The following AP1G1 variants were observed in gnomAD, a reference collection of about 807,000 sequenced individuals.
AP1G1 encodes the protein AP-1 complex subunit gamma-1.
Under a neutral mutation model 108.3 loss-of-function variants are expected in AP1G1, and 7 were observed. That is an observed-to-expected ratio of 0.06 (90% CI 0.04 to 0.12). The LOEUF is 0.12. Ranked by LOEUF, AP1G1 falls within the 10% of genes least tolerant of loss-of-function variation. The pLI is 1.00. For missense variants in AP1G1, 756 were observed against 1,010.7 expected (o/e 0.75, Z 3.42); for synonymous variants, 379 against 353.5 (o/e 1.07, Z -0.81).
chr16:71,766,439 T>A (rs2031317398), intron 6 of AP1G1: 1 of 469,946 alleles, frequency 2.1e-6, no homozygotes, highest in Non-Finnish European at 4.4e-6. Flanking sequence ...TTGGCACTCA[T>A]TTCATTTCTG....
At chr16:71,800,700 C>T (rs1252207791) in intron 1 of AP1G1, among the ~76,000 whole-genome samples, 8 of 151,934 alleles carry the variant, frequency 5.3e-5, no homozygotes, top group Admixed American at 1.3e-4. Context: ...ACTCGGGAGG[C>T]TGACGCAGGA....
At position 71,791,876 on chromosome 16, in the gene AP1G1, C is replaced by T. The variant is rs138970580; in HGVS notation, c.-3-2394G>A. On this transcript the variant is annotated intron_variant, in intron 1 of 22. Transcript: ENST00000299980. ...TCCTGGGTTCAAGCACTTCTCCTGC[C>T]TCAGCCTCCCAAGTAGGTGGTATTA... 6.1e-3 allele frequency among the ~76,000 whole-genome samples: 927 copies of T among 151,654 alleles called. 13 individuals are homozygous for T. The highest frequency in any genetic ancestry group is 0.02 in the African/African-American group (820 of 41,292).
chr16:71,750,437 CAG>C lies in AP1G1; in HGVS notation c.1285-107_1285-106del, dbSNP rs1180612831. On this transcript the variant is annotated intron_variant, in intron 13 of 22. Coordinates refer to ENST00000299980, the MANE Select transcript of AP1G1 (RefSeq NM_001128.6). ...TGTTTTTTCCTTTCTTTTTTTGAGA[CAG>C]AGTCTCGCTCTGTCACCCAGGCTGG... 1.2e-5 allele frequency: 17 copies of C among 1,404,730 alleles called. No homozygotes were observed. In the Middle Eastern group the frequency reaches 7.6e-4, roughly 63 times the overall value. 87.0% of individuals were successfully genotyped at this position (1,404,730 alleles called of 1,614,324 possible).
Position 71,745,215 on chromosome 16 carries a change from G to C in AP1G1, c.1928C>G (p.Thr643Ser). 1 of 1,614,204 alleles carries C rather than the reference G, an allele frequency of 6.2e-7. No homozygotes were observed. Among genetic ancestry groups the C allele is most frequent in the Non-Finnish European group, 8.5e-7 (1 of 1,180,034 alleles). ...GGNDITPVIP[T>S]APTSKPSSAG... ...AGAAGATGGTTTGCTTGTAGGCGCA[G>C]TTGGAATAACAGGTGTTATGTCATT... The change falls in exon 19 of 23, where the codon ACT (threonine) becomes AGT (serine). Residue 643 changes from threonine (T) to serine (S), a missense_variant. This residue lies in a region of AP1G1 where 357 missense variants were observed against 366.5 expected (regional missense o/e 0.97). Coordinates refer to ENST00000299980, the MANE Select transcript of AP1G1 (RefSeq NM_001128.6).
At position 71,770,944 on chromosome 16, in the gene AP1G1, A is replaced by G. The variant is rs577072448; in HGVS notation, c.565+212T>C. ...AGTAAAAGAGGACCAGAGATGAAAG[A>G]TAAGTTTACTATGAAGGAATCAATC... On this transcript the variant is annotated intron_variant, in intron 5 of 22. Transcript: ENST00000299980. 3.3e-5 allele frequency among the ~76,000 whole-genome samples: 5 copies of G among 152,342 alleles called. No individual in the cohort carries two copies. In the South Asian group the frequency reaches 6.2e-4, roughly 19 times the overall value.
At chr16:71,786,514 AC>A (rs1326294368) in intron 2 of AP1G1, among the ~76,000 whole-genome samples, 25 of 152,200 alleles carry the variant, frequency 1.6e-4, no homozygotes, top group African/African-American at 5.8e-4. Context: ...AGGCTGGAGT[AC>A]AGTGGCACGA....
chr16:71,789,355 T>C lies in AP1G1; in HGVS notation c.125A>G (p.Asp42Gly), dbSNP rs1188332338. The change falls in exon 2 of 23, where the codon GAC becomes GGC. Residue 42 changes from aspartate (D) to glycine (G), a missense_variant. Coordinates refer to ENST00000299980, the MANE Select transcript of AP1G1 (RefSeq NM_001128.6). ...CACATTCCGACATCGGTATGTATTG[T>C]CTTCTTCTCTAAAAGATGACCGGAT... The part of the protein sequence containing the change: ...AAIRSSFREE[D>G]NTYRCRNVAK... 2.5e-6 allele frequency: 4 copies of C among 1,614,234 alleles called. No individual in the cohort carries two copies. The highest frequency in any genetic ancestry group is 3.4e-6 in the Non-Finnish European group (4 of 1,180,048).
rs55761928 is a variant in AP1G1, at chr16:71,794,835, CTTTTTTTTT to C, written c.-3-5362_-3-5354del. ...TACCATTCTCAGGCCATGAGAAGTG[CTTTTTTTTT>C]TTTTTTTTTTTTTTTTTTTTACTTT... On this transcript the variant is annotated intron_variant, in intron 1 of 22. Coordinates refer to ENST00000299980, the MANE Select transcript of AP1G1 (RefSeq NM_001128.6). 1.0e-3 allele frequency among the ~76,000 whole-genome samples: 41 copies of C among 39,660 alleles called. 1 individual carries two copies. Among genetic ancestry groups the C allele is most frequent in the South Asian group, 4.2e-3 (3 of 716 alleles). The allele number at this position is 39,660 out of a possible 152,430, so 26.0% of individuals were successfully genotyped here. A position where few individuals can be genotyped will look rare whatever the true frequency, so the allele number is the denominator to read the frequency against.
chr16:71,765,627 G>C, intron 6 of AP1G1, 43 bp from the exon 7 acceptor site: 36 of 1,470,446 alleles, frequency 2.4e-5, no homozygotes, highest in Non-Finnish European at 3.1e-5. Context: ...GAATATTGAA[G>C]AATGTCTCAT....
chr16:71,778,592 A>C (rs1256652315), intron 2 of AP1G1, among the ~76,000 whole-genome samples: 1 of 151,736 alleles, frequency 6.6e-6, no homozygotes, highest in Non-Finnish European at 1.5e-5. Context: ...CTGAGGAAGG[A>C]GAATCACTTG....
At chr16:71,768,006 G>A in intron 6 of AP1G1, 3 of 1,148,474 alleles carry the variant, frequency 2.6e-6, no homozygotes, top group Admixed American at 2.2e-5. Context: ...ACATCTAAGG[G>A]AAAAAAAGCC....
At chr16:71,774,664 A>G in intron 2 of AP1G1, 72 bp from the exon 3 acceptor site, 1 of 1,477,272 alleles carries the variant, frequency 6.8e-7, no homozygotes, top group South Asian at 1.4e-5. Flanking sequence ...AGTGTTTTTA[A>G]CCCAGAGTCC....
chr16:71,804,512 A>G (rs539367960), intron 1 of AP1G1, among the ~76,000 whole-genome samples: 3 of 151,200 alleles, frequency 2.0e-5, no homozygotes, highest in Admixed American at 6.6e-5. Flanking sequence ...TGTTCAAGCA[A>G]TCCTCCCACC....
rs775851465 is a variant in AP1G1, at chr16:71,765,573, T to C, written c.654A>G (p.Gln218=). The change falls in exon 7 of 23, where the codon CAA becomes CAG. Residue 218 remains glutamine, a synonymous_variant. Transcript: ENST00000299980. ...MLAHFRKLVP[Q]LVRILKNLIM... is the part of the protein sequence containing the mutation. ...TGAGGTTCTTTAAAATACGAACTAA[T>C]TGGGGCACAAGCTGCAGAGAAGAAA... 4.3e-6 allele frequency: 7 copies of C among 1,612,194 alleles called. No individual in the cohort carries two copies. The highest frequency in any genetic ancestry group is 1.3e-5 in the African/African-American group (1 of 74,954).
intron 1 of AP1G1, among the ~76,000 whole-genome samples, chr16:71,807,133 G>A (rs1208698467): frequency 6.6e-6 from 1 of 152,196 alleles, no homozygotes; most frequent in Non-Finnish European, 1.5e-5. Context: ...GAATAACTGT[G>A]AAATACTTTT....
At chr16:71,753,318 T>C (rs997829890) in intron 13 of AP1G1, among the ~76,000 whole-genome samples, 4 of 152,204 alleles carry the variant, frequency 2.6e-5, no homozygotes, top group African/African-American at 9.6e-5. Context: ...CTGCAATGGC[T>C]TCCTAACATA....
intron 1 of AP1G1, among the ~76,000 whole-genome samples, chr16:71,804,896 T>C (rs2142290419): frequency 6.6e-6 from 1 of 152,166 alleles, no homozygotes; most frequent in East Asian, 1.9e-4. Flanking sequence ...CAGTCCCAGC[T>C]ACTTAGGAGG....
chr16:71,786,465 A>G (rs2032205135), intron 2 of AP1G1, among the ~76,000 whole-genome samples: 1 of 151,860 alleles, frequency 6.6e-6, no homozygotes, highest in Admixed American at 6.6e-5. Context: ...AACTCAACAA[A>G]AATTTTTTTT....
Position 71,748,295 on chromosome 16 carries a change from G to C in AP1G1, c.1581C>G (p.Leu527=), listed in dbSNP as rs536680643. 1.2e-6 allele frequency: 2 copies of C among 1,614,028 alleles called. No individual in the cohort carries two copies. The highest frequency in any genetic ancestry group is 2.2e-5 in the South Asian group (2 of 91,076). Residue 527 remains leucine, a synonymous_variant, in exon 16 of 23, where the codon CTC becomes CTG. Coordinates refer to ENST00000299980, the MANE Select transcript of AP1G1 (RefSeq NM_001128.6). ...GAGTGGAAAGCTTCATAATGGCAGT[G>C]AGGGCATAACCTCGTGTCACAGAGG... ...MSTSVTRGYA[L]TAIMKLSTRF...
Sources: gnomAD v4.1 joint callset for allele counts (sites outside exome capture counted in the v4.1 genomes callset) on GRCh38, gnomAD v4.1.1 for gene constraint, gnomAD v4.1.1 regional missense constraint, MANE v1.5 for transcripts, NCBI Gene and HGNC (gene_info 2026-07-23, HGNC 2026-07-21) for gene names.